MCM7: variants seen among roughly 807,000 people sequenced by gnomAD.
MCM7 encodes DNA replication licensing factor MCM7.
Under a neutral mutation model 83.5 loss-of-function variants are expected in MCM7, and 95 were observed. The observed-to-expected ratio is 1.14, with a 90% confidence interval of 0.96 to 1.35. The LOEUF is 1.35. Among genes scored for constraint, MCM7 ranks in the 40% most tolerant of loss-of-function variants. The probability of loss-of-function intolerance (pLI) is 0.00; values close to 1 mark genes in which losing one functional copy is unlikely to be tolerated. For synonymous variants in MCM7, 461 were observed against 352.7 expected, an observed-to-expected ratio of 1.31 and a Z score of -3.44; for missense variants, 1,087 against 957.4, an observed-to-expected ratio of 1.14 and a Z score of -1.79.
At position 100,093,054 on chromosome 7, in the gene MCM7, C is replaced by A. The variant is rs890234210; in HGVS notation, c.2038G>T (p.Ala680Ser). ...SGGRSVRFSE[A>S]EQRCVSRGFT... ...CCACGAGATACACAGCGCTGCTCTG[C>A]CTCAGAGAACCGGACACTTCGGCCC... The change falls in exon 15 of 15, where the codon GCA (alanine) becomes TCA (serine). Residue 680 changes from alanine to serine, a missense_variant. Physicochemically the swap from Ala to Ser is moderately conservative, Grantham distance 99. Transcript: ENST00000303887. 3.1e-6 allele frequency: 5 copies of A among 1,614,130 alleles called. No individual in the cohort carries two copies. The highest frequency in any genetic ancestry group is 4.2e-6 in the Non-Finnish European group (5 of 1,180,054).
At position 100,094,283 on chromosome 7, in the gene MCM7, A is replaced by G. The variant is rs1309597074; in HGVS notation, c.1738T>C (p.Tyr580His). Residue 580 changes from tyrosine to histidine, a missense_variant, in exon 13 of 15, where the codon TAC (tyrosine) becomes CAC (histidine). Tyr to His is a moderately conservative substitution (Grantham distance 83). Transcript: ENST00000303887. ...QPMVPESLADYITAAYVEMRR... is the reference protein window; with the variant it reads ...QPMVPESLADHITAAYVEMRR... ...ATCTCCACGTATGCTGCTGTGATGT[A>G]GTCAGCCAGAGACTCTGGCACCATG... is the stretch of plus-strand genomic sequence containing the variant. 1 of 1,614,208 alleles carries G rather than the reference A, an allele frequency of 6.2e-7. No homozygotes were observed. The highest frequency in any genetic ancestry group is 1.1e-5 in the South Asian group (1 of 91,086).
rs1796020737 is a variant in MCM7, at chr7:100,101,381, G to A, written c.-87C>T. The A allele has an allele frequency of 1.9e-6, 3 of 1,576,648 alleles. No homozygotes were observed. Among genetic ancestry groups the A allele is most frequent in the Admixed American group, 3.4e-5 (2 of 59,076 alleles). ...GAGAATCTCCGCGCGGTGGACTGTG[G>A]CCGGCCAACCGAAATTGGCGCGAAA... On this transcript the variant is annotated 5_prime_UTR_variant, in exon 1 of 15. Transcript: ENST00000303887.
Position 100,099,406 on chromosome 7 carries a change from AAAGGAG to A in MCM7, c.277-9_277-4del. Reference sequence around the variant, plus strand: ...TCCAGGACATCTTTATTTACCACCTAAAGGAGAAGAACAAAAAAAAAAAAAAAAAAG... The same window carrying A: ...TCCAGGACATCTTTATTTACCACCTAAAGAACAAAAAAAAAAAAAAAAAAG... On this transcript the variant is annotated splice_polypyrimidine_tract_variant and splice_region_variant and intron_variant, in intron 3 of 14. Coordinates refer to ENST00000303887, the MANE Select transcript of MCM7 (RefSeq NM_005916.5). The A allele has an allele frequency of 6.3e-7, 1 of 1,590,460 alleles. No homozygotes were observed. The highest frequency in any genetic ancestry group is 8.5e-7 in the Non-Finnish European group (1 of 1,172,932).
At chr7:100,099,471 C>T in intron 3 of MCM7, 68 bp from the exon 4 acceptor site, 2 of 1,580,246 alleles carry the variant, frequency 1.3e-6, no homozygotes, top group African/African-American at 1.4e-5. Flanking sequence ...GCACAGAGAA[C>T]ACCAGGCAGA....
At chr7:100,093,901 G>A (rs1000404937) in intron 13 of MCM7, 1 of 683,688 alleles carries the variant, frequency 1.5e-6, no homozygotes, top group African/African-American at 1.7e-5. Context: ...ACAGGATCTA[G>A]GACACATGGA....
rs1322308310 is a variant in MCM7, at chr7:100,097,634, G to A, written c.1097C>T (p.Pro366Leu). ...LLLVGGVDQS[P>L]RGMKIRGNIN... ...CTTACCCCGGATTTTCATGCCTCGA[G>A]GAGACTGGTCCACACCCCCGACTAG... The change falls in exon 9 of 15, where the codon CCT becomes CTT. Residue 366 changes from proline to leucine, a missense_variant. Physicochemically the swap from Pro to Leu is moderately conservative, Grantham distance 98. Coordinates refer to ENST00000303887, the MANE Select transcript of MCM7 (RefSeq NM_005916.5). The A allele has an allele frequency of 3.7e-6, 6 of 1,613,870 alleles. No individual in the cohort carries two copies. The highest frequency in any genetic ancestry group is 2.2e-5 in the East Asian group (1 of 44,900).
In MCM7 at chr7:100,094,178, C is replaced by G; in HGVS notation, c.1843G>C (p.Ala615Pro). 2 of 1,614,170 alleles carry G rather than the reference C, an allele frequency of 1.2e-6. No homozygotes were observed. Among genetic ancestry groups the G allele is most frequent in the Non-Finnish European group, 1.7e-6 (2 of 1,180,020 alleles). Reference sequence around the variant, plus strand: ...CCAGCAATTTGGGCACTTACCAGAGCAGTGGAAAGGCGCAGGATAGCCAGC... The same window carrying G: ...CCAGCAATTTGGGCACTTACCAGAGGAGTGGAAAGGCGCAGGATAGCCAGC... The part of the protein sequence containing the change: ...TLLAILRLST[A>P]LARLRMVDVV... The change falls in exon 13 of 15, where the codon GCT becomes CCT. Residue 615 changes from alanine (A) to proline (P), a missense_variant. Physicochemically the swap from Ala to Pro is conservative, Grantham distance 27. Coordinates refer to ENST00000303887, the MANE Select transcript of MCM7 (RefSeq NM_005916.5).
chr7:100,096,655 G>T (rs1287518305), intron 10 of MCM7, among the ~76,000 whole-genome samples: 1 of 151,996 alleles, frequency 6.6e-6, no homozygotes, highest in East Asian at 1.9e-4. Context: ...CGCGCCTGTA[G>T]TCCCAGCTAC....
intron 10 of MCM7, among the ~76,000 whole-genome samples, chr7:100,096,927 C>G (rs1277533009): frequency 1.3e-5 from 2 of 152,106 alleles, no homozygotes; most frequent in East Asian, 3.9e-4. Context: ...CGGTGAAACC[C>G]CGTCTCTATT....
intron 13 of MCM7, 101 bp from the exon 14 acceptor site, chr7:100,093,502 G>A (rs1795436910): frequency 4.7e-6 from 5 of 1,071,012 alleles, no homozygotes; most frequent in Non-Finnish European, 5.8e-6. Flanking sequence ...CAGCCCATGG[G>A]TCGCCTACTC....
intron 8 of MCM7, 42 bp downstream of exon 8, chr7:100,097,792 T>C (rs762670980): frequency 6.2e-7 from 1 of 1,613,922 alleles, no homozygotes; most frequent in Non-Finnish European, 8.5e-7. Flanking sequence ...AAAAGGGAGC[T>C]AGGATGTAAA....
intron 1 of MCM7, 157 bp from the exon 2 acceptor site, chr7:100,100,250 A>G: frequency 1.4e-6 from 2 of 1,410,784 alleles, no homozygotes; most frequent in Non-Finnish European, 1.8e-6. Flanking sequence ...CTTTTTCACA[A>G]GTCTGTTTCT....
intron 12 of MCM7, 53 bp downstream of exon 12, chr7:100,095,334 G>A: frequency 6.6e-7 from 1 of 1,511,948 alleles, no homozygotes. Flanking sequence ...ACTTTTTCAG[G>A]AGGCTCGCAC....
At chr7:100,094,804 G>GT in intron 12 of MCM7, among the ~76,000 whole-genome samples, 1 of 152,270 alleles carries the variant, frequency 6.6e-6, no homozygotes, top group Admixed American at 6.5e-5. Flanking sequence ...AAATTTTGGA[G>GT]TATTTGCATA....
At position 100,093,298 on chromosome 7, in the gene MCM7, G is replaced by A. The variant is rs1410830818; in HGVS notation, c.1952C>T (p.Thr651Ile). Residue 651 changes from threonine (T) to isoleucine (I), a missense_variant, in exon 14 of 15, where the codon ACA becomes ATA. Transcript: ENST00000303887. ...CCTTCACTAAACCACTCACCTAGCTGTCTGCCCCTTGTCTCCTAGAAGAGA... is the reference window on the plus strand; with the variant it reads ...CCTTCACTAAACCACTCACCTAGCTATCTGCCCCTTGTCTCCTAGAAGAGA... ...KDSLLGDKGQ[T>I]ARTQRPADVI... 5 of 1,613,152 alleles carry A rather than the reference G, an allele frequency of 3.1e-6. No homozygotes were observed. The African/African-American group carries it at 5.3e-5, about 17-fold the overall frequency.
rs755556849 is a variant in MCM7 at position 100,094,340 on chromosome 7, G to A, written c.1681C>T (p.Arg561Cys). Residue 561 changes from arginine to cysteine, a missense_variant and splice_region_variant, in exon 13 of 15, where the codon CGT (arginine) becomes TGT (cysteine). Physicochemically the swap from Arg to Cys is radical, Grantham distance 180 (BLOSUM62 -3). Coordinates refer to ENST00000303887, the MANE Select transcript of MCM7 (RefSeq NM_005916.5). ...TTCTCGCGGCACATGGCTATGTAAC[G>A]CCTGTGGGGGAAGGTTCATGGGGAA... ...FEPLDMKLMRRYIAMCREKQP... is the reference protein window; with the variant it reads ...FEPLDMKLMRCYIAMCREKQP... 3.8e-5 allele frequency: 62 copies of A among 1,613,850 alleles called. No homozygotes were observed. Among genetic ancestry groups the A allele is most frequent in the Middle Eastern group, 1.6e-4 (1 of 6,084 alleles).
chr7:100,100,540 G>A (rs1179134723), intron 1 of MCM7: 4 of 994,938 alleles, frequency 4.0e-6, no homozygotes, highest in South Asian at 4.2e-5. Flanking sequence ...AAACAAAGAA[G>A]CACATGGGCC....
chr7:100,095,492 A>G (rs772339925), intron 11 of MCM7, 22 bp from the exon 12 acceptor site: 1 of 1,610,934 alleles, frequency 6.2e-7, no homozygotes, highest in Non-Finnish European at 8.5e-7. Context: ...GAAGGTTAGA[A>G]GGAACACCCT....
intron 2 of MCM7, 115 bp from the exon 3 acceptor site, chr7:100,099,868 G>T: frequency 6.8e-7 from 1 of 1,466,060 alleles, no homozygotes. Flanking sequence ...ATCCACAGGG[G>T]AGAACGCAGC....
Sources: allele counts gnomAD v4.1 joint callset (sites outside exome capture counted in the v4.1 genomes callset), GRCh38; gene constraint gnomAD v4.1.1; transcripts MANE v1.5; gene names NCBI Gene and HGNC (gene_info 2026-07-23, HGNC 2026-07-21).